Variants in TDP1 observed in about 807,000 individuals in gnomAD.
TDP1 encodes tyr-DNA phosphodiesterase 1.
In TDP1, 64 loss-of-function variants were observed where a neutral mutation model predicts 81.5. The observed-to-expected ratio is 0.79, with a 90% CI of 0.64 to 0.97. The LOEUF (loss-of-function observed/expected upper bound fraction) is 0.97. Ranked by LOEUF, TDP1 falls within the 50% of genes least tolerant of loss-of-function variation. The pLI is 0.00. For synonymous variants in TDP1, 256 were observed against 264.3 expected, an observed-to-expected ratio of 0.97 and a Z score of 0.30; for missense variants, 723 against 743.8, an observed-to-expected ratio of 0.97 and a Z score of 0.33.
chr14:89,996,071 C>G (rs544320060), intron 14 of TDP1, among the ~76,000 whole-genome samples: 1 of 152,298 alleles, frequency 6.6e-6, no homozygotes, highest in Non-Finnish European at 1.5e-5. Context: ...CTCTTCCAGT[C>G]CTTGCAATTA....
chr14:90,011,481 T>G (rs1884697180), intron 14 of TDP1, among the ~76,000 whole-genome samples: 1 of 152,200 alleles, frequency 6.6e-6, no homozygotes, highest in South Asian at 2.1e-4. Flanking sequence ...TGGAACTTCC[T>G]AAAAACTTGT....
At chr14:89,960,437 T>C (rs1440210947) in intron 2 of TDP1, among the ~76,000 whole-genome samples, 3 of 152,254 alleles carry the variant, frequency 2.0e-5, no homozygotes, top group Admixed American at 6.5e-5. Context: ...CCCAGTTATC[T>C]AGTTTCTTAA....
chr14:90,013,595 C>T (rs764136939), intron 14 of TDP1, among the ~76,000 whole-genome samples: 6 of 152,054 alleles, frequency 3.9e-5, no homozygotes, highest in South Asian at 2.1e-4. Flanking sequence ...TATCCAGCCT[C>T]GGGTATGTCT....
At chr14:90,038,471 T>C (rs979507295) in intron 16 of TDP1, among the ~76,000 whole-genome samples, 1 of 152,210 alleles carries the variant, frequency 6.6e-6, no homozygotes, top group Non-Finnish European at 1.5e-5. Context: ...AATCATCAAG[T>C]ATTTTTCTAA....
intron 2 of TDP1, among the ~76,000 whole-genome samples, chr14:89,960,079 T>C (rs1362899051): frequency 6.6e-6 from 1 of 152,182 alleles, no homozygotes; most frequent in East Asian, 1.9e-4. Context: ...AGAACTGTTG[T>C]AGAATTCAAA....
chr14:89,967,273 G>C, intron 4 of TDP1, 94 bp from the exon 5 acceptor site: 5 of 1,391,176 alleles, frequency 3.6e-6, no homozygotes, highest in Non-Finnish European at 5.1e-6. Context: ...CACTATTTTA[G>C]AGTTTCCTTA....
At chr14:89,977,787 A>G (rs1894528358) in intron 7 of TDP1, among the ~76,000 whole-genome samples, 1 of 152,172 alleles carries the variant, frequency 6.6e-6, no homozygotes, top group Admixed American at 6.5e-5. Flanking sequence ...CTCACAGGGT[A>G]GAGCTAGAAA....
At chr14:89,992,059 T>G in intron 13 of TDP1, 76 bp downstream of exon 13, 2 of 1,323,716 alleles carry the variant, frequency 1.5e-6, no homozygotes, top group Non-Finnish European at 2.2e-6. Context: ...GTTTGTTTTT[T>G]TTTTTAAAAG....
chr14:89,956,245 G>A (rs1361209448), intron 1 of TDP1: 1 of 152,376 alleles, frequency 6.6e-6, no homozygotes, highest in Non-Finnish European at 1.5e-5. Context: ...AGGGGCCCCT[G>A]CTCGGGTTTT....
chr14:90,043,413 C>A lies in TDP1; in HGVS notation c.*270C>A, dbSNP rs1888553797. The A allele has an allele frequency of 7.4e-6, 4 of 538,892 alleles. No homozygotes were observed. The highest frequency in any genetic ancestry group is 3.8e-5 in the African/African-American group (2 of 52,586). 33.4% of individuals were successfully genotyped at this position (538,892 alleles called of 1,614,324 possible). On this transcript the variant is annotated 3_prime_UTR_variant, in exon 17 of 17. Coordinates refer to ENST00000335725, the MANE Select transcript of TDP1 (RefSeq NM_018319.4). ...TTAAAAATACGTACTGCTTGAGTAT[C>A]CCCTGTCTGAAATGCTTGGGACCAG... is the stretch of plus-strand genomic sequence containing the variant.
At chr14:89,969,569 G>A (rs1286929) in intron 5 of TDP1, among the ~76,000 whole-genome samples, 152,354 of 152,356 alleles carry the variant, frequency 1, 76,176 homozygotes, top group Middle Eastern at 1. Context: ...ATTTCTAGGT[G>A]CTAGATGCAC....
intron 14 of TDP1, among the ~76,000 whole-genome samples, chr14:89,998,420 A>ATATATGTATGTATG (rs1566891293): frequency 8.8e-5 from 7 of 79,270 alleles, no homozygotes; most frequent in African/African-American, 3.2e-4. Flanking sequence ...ATATATATAT[A>ATATATGTATGTATG]TATGTATGTA....
chr14:89,993,354 C>G (rs775240761), intron 13 of TDP1, 22 bp from the exon 14 acceptor site: 1 of 1,587,084 alleles, frequency 6.3e-7, no homozygotes, highest in Non-Finnish European at 8.6e-7. Context: ...TAATTAGTAA[C>G]TTTTGTCTTT....
intron 6 of TDP1, among the ~76,000 whole-genome samples, chr14:89,973,317 A>C (rs1013338399): frequency 3.3e-5 from 5 of 152,258 alleles, no homozygotes; most frequent in Non-Finnish European, 7.3e-5. Flanking sequence ...CCTGAAAACC[A>C]GTGACTAAAT....
In TDP1 at chr14:89,963,208, T is replaced by C; in HGVS notation, c.94T>C (p.Ser32Pro). 1 of 1,614,062 alleles carries C rather than the reference T, an allele frequency of 6.2e-7. No individual in the cohort carries two copies. Among genetic ancestry groups the C allele is most frequent in the Non-Finnish European group, 8.5e-7 (1 of 1,180,004 alleles). ...KPKPDKPSTS[S>P]LLCARQGAAN... ...AAAACCAGACAAGCCATCTACCTCT[T>C]CTCTTCTCTGTGCCAGGCAAGGAGC... Residue 32 changes from serine to proline, a missense_variant, in exon 3 of 17, where the codon TCT (serine) becomes CCT (proline). By Grantham distance (74) the Ser-to-Pro change is moderately conservative (BLOSUM62 -1). Coordinates refer to ENST00000335725, the MANE Select transcript of TDP1 (RefSeq NM_018319.4).
intron 14 of TDP1, among the ~76,000 whole-genome samples, chr14:89,996,536 C>T (rs2140149770): frequency 6.6e-6 from 1 of 152,334 alleles, no homozygotes; most frequent in African/African-American, 2.4e-5. Flanking sequence ...ATCCTTAGAT[C>T]CGTGTGCCAC....
At chr14:89,992,064 TAAAAGGAAC>T in intron 13 of TDP1, 81 bp downstream of exon 13, 2 of 1,112,310 alleles carry the variant, frequency 1.8e-6, no homozygotes, top group Non-Finnish European at 2.7e-6. Context: ...TTTTTTTTTT[TAAAAGGAAC>T]TTTATGTAAT....
At chr14:89,962,831 C>T (rs1892486272) in intron 2 of TDP1, 16 of 777,034 alleles carry the variant, frequency 2.1e-5, no homozygotes, top group Non-Finnish European at 2.5e-5. Context: ...GAGATTGAAC[C>T]ACTGCACCAC....
At chr14:90,000,308 T>C (rs1451427840) in intron 14 of TDP1, among the ~76,000 whole-genome samples, 1 of 152,216 alleles carries the variant, frequency 6.6e-6, no homozygotes, top group Non-Finnish European at 1.5e-5. Context: ...TGAAACTCTA[T>C]CATATTCACA....
Sources: allele counts gnomAD v4.1 joint callset (sites outside exome capture counted in the v4.1 genomes callset), GRCh38; gene constraint gnomAD v4.1.1; transcripts MANE v1.5; gene names NCBI Gene and HGNC (gene_info 2026-07-23, HGNC 2026-07-21).